The following SENP7 variants were observed in gnomAD, a reference collection of about 807,000 sequenced individuals.
The protein encoded by SENP7 is SUMO specific peptidase 7, also known as sentrin-specific protease 7.
SENP7 carries 64 observed loss-of-function variants against 141.2 expected under a neutral mutation model. The observed-to-expected ratio is 0.45, with a 90% CI of 0.37 to 0.56. SENP7 has a LOEUF of 0.56. SENP7 is among the 20% of genes least tolerant of loss of function. The pLI is 0.00. For synonymous variants in SENP7, 382 were observed against 426.4 expected (o/e 0.90, Z 1.28); for missense variants, 1,025 against 1,212.2 (o/e 0.85, Z 2.29).
chr3:101,326,931 T>C (rs922424613), intron 23 of SENP7, among the ~76,000 whole-genome samples: 2 of 152,012 alleles, frequency 1.3e-5, no homozygotes, highest in Non-Finnish European at 2.9e-5. Context: ...AGTTCACTAA[T>C]CCTATCTTCT....
chr3:101,512,890 G>A (rs2065919121), intron 1 of SENP7, among the ~76,000 whole-genome samples: 1 of 152,108 alleles, frequency 6.6e-6, no homozygotes, highest in Non-Finnish European at 1.5e-5. Context: ...GAGCGCCCGA[G>A]GCTTCGATGA....
At chr3:101,473,605 TTTAAG>T (rs1005227036) in intron 3 of SENP7, among the ~76,000 whole-genome samples, 21 of 152,318 alleles carry the variant, frequency 1.4e-4, no homozygotes, top group African/African-American at 4.6e-4. Context: ...TGTAAATTTG[TTTAAG>T]TTAATTATAG....
chr3:101,497,289 G>A (rs1312264863), intron 2 of SENP7, among the ~76,000 whole-genome samples: 2 of 152,202 alleles, frequency 1.3e-5, no homozygotes, highest in Non-Finnish European at 2.9e-5. Context: ...TATGTTGTAT[G>A]TGTGAACATA....
intron 6 of SENP7, among the ~76,000 whole-genome samples, chr3:101,381,969 C>T (rs2060514845): frequency 6.6e-6 from 1 of 152,038 alleles, no homozygotes; most frequent in Admixed American, 6.6e-5. Context: ...TATGACAGAG[C>T]TGGAATACAT....
chr3:101,406,772 G>A (rs2061319833), intron 5 of SENP7, among the ~76,000 whole-genome samples: 1 of 152,168 alleles, frequency 6.6e-6, no homozygotes, highest in South Asian at 2.1e-4. Flanking sequence ...ATTGTCATCA[G>A]GTTATCTAAA....
intron 4 of SENP7, among the ~76,000 whole-genome samples, chr3:101,424,269 C>T (rs1479440370): frequency 6.6e-6 from 1 of 152,108 alleles, no homozygotes; most frequent in Non-Finnish European, 1.5e-5. Flanking sequence ...ACAAGCCTGC[C>T]ACTCCCTCCA....
intron 5 of SENP7, among the ~76,000 whole-genome samples, chr3:101,415,811 C>T (rs2061601694): frequency 6.6e-6 from 1 of 152,162 alleles, no homozygotes; most frequent in African/African-American, 2.4e-5. Context: ...TGATAGCAAC[C>T]TCATTGTATT....
chr3:101,502,245 T>C (rs187085835), intron 1 of SENP7, among the ~76,000 whole-genome samples: 1 of 152,330 alleles, frequency 6.6e-6, no homozygotes, highest in African/African-American at 2.4e-5. Context: ...GTCAGCGTAT[T>C]ACCCATCTGA....
At chr3:101,471,088 A>G (rs956826063) in intron 3 of SENP7, among the ~76,000 whole-genome samples, 12 of 152,252 alleles carry the variant, frequency 7.9e-5, no homozygotes, top group African/African-American at 2.9e-4. Context: ...AAAGTAATTT[A>G]TAGATTCAAT....
intron 3 of SENP7, among the ~76,000 whole-genome samples, chr3:101,467,859 A>G (rs112239544): frequency 0.4 from 60,387 of 152,098 alleles, 12,511 homozygotes; most frequent in Admixed American, 0.54. Flanking sequence ...GAATGACTTT[A>G]ACGAGCTGAC....
rs2058886688 is a variant in SENP7 at position 101,325,887 on chromosome 3, G to T, written c.*56C>A. The stretch of plus-strand genomic sequence containing the variant: ...TGTGAGCTGGCTAACACAAATGCTG[G>T]TAAGAGGCTTTCCAGTAATCTTAGA... On this transcript the variant is annotated 3_prime_UTR_variant, in exon 24 of 24. Transcript: ENST00000394095. The T allele has an allele frequency of 6.7e-7, 1 of 1,496,416 alleles. No individual in the cohort carries two copies. The highest frequency in any genetic ancestry group is 2.4e-5 in the East Asian group (1 of 41,290). The allele number at this position is 1,496,416 out of a possible 1,614,324, so 92.7% of individuals were successfully genotyped here. A position where few individuals can be genotyped will look rare whatever the true frequency, so the allele number is the denominator to read the frequency against.
Position 101,380,445 on chromosome 3 carries a change from C to CCCCA in SENP7, c.678-8320_678-8319insTGGG, listed in dbSNP as rs58844573. Among the ~76,000 whole-genome samples the CCCCA allele has an allele frequency of 6.1e-4, 79 of 128,852 alleles. 2 individuals are homozygous for CCCCA. The highest frequency in any genetic ancestry group is 1.6e-3 in the South Asian group (6 of 3,670). 84.5% of individuals were successfully genotyped at this position (128,852 alleles called of 152,430 possible). ...GTAAAGCAAACCACCGCCCCCCCCCCCACACACACACACAAAACAAAACAT... is the reference window on the plus strand; with the variant it reads ...GTAAAGCAAACCACCGCCCCCCCCCCCCCACACACACACACACAAAACAAAACAT... On this transcript the variant is annotated intron_variant, in intron 6 of 23. Coordinates refer to ENST00000394095, the MANE Select transcript of SENP7 (RefSeq NM_020654.5).
chr3:101,461,880 T>G (rs969922897), intron 3 of SENP7, among the ~76,000 whole-genome samples: 2 of 152,216 alleles, frequency 1.3e-5, no homozygotes, highest in Non-Finnish European at 2.9e-5. Flanking sequence ...TTGAAAGCAT[T>G]TGTGCTAAGT....
At chr3:101,464,914 G>A (rs374106925) in intron 3 of SENP7, among the ~76,000 whole-genome samples, 6 of 151,994 alleles carry the variant, frequency 3.9e-5, no homozygotes, top group African/African-American at 1.5e-4. Context: ...GAACAGAAAG[G>A]AAACAGATGC....
chr3:101,414,509 G>C, intron 5 of SENP7: 1 of 1,558,516 alleles, frequency 6.4e-7, no homozygotes, highest in Admixed American at 1.7e-5. Flanking sequence ...GCTGCTGGGA[G>C]TAAGGAGCTT....
intron 12 of SENP7, among the ~76,000 whole-genome samples, chr3:101,348,443 T>A (rs1024994836): frequency 3.9e-5 from 6 of 152,136 alleles, no homozygotes; most frequent in Non-Finnish European, 8.8e-5. Context: ...GAAAAAAATG[T>A]CTATCAGTGC....
rs190912635 is a variant in SENP7, at chr3:101,420,099, G to T, written c.285-2309C>A. Among the ~76,000 whole-genome samples, 924 of 152,322 alleles carry T rather than the reference G, an allele frequency of 6.1e-3. 11 individuals are homozygous for T. Among genetic ancestry groups the T allele is most frequent in the African/African-American group, 0.021 (893 of 41,560 alleles). On this transcript the variant is annotated intron_variant, in intron 4 of 23. Coordinates refer to ENST00000394095, the MANE Select transcript of SENP7 (RefSeq NM_020654.5). ...AAAGTGATAGGAGGCCAGGCGCTGT[G>T]GCTCACGCCTGTAATCCCAGCACTT...
At chr3:101,417,557 TG>T in intron 5 of SENP7, 35 bp downstream of exon 5, 2 of 1,482,558 alleles carry the variant, frequency 1.3e-6, no homozygotes, top group Non-Finnish European at 1.9e-6. Context: ...ATTTCAAATG[TG>T]GTAAGTTGAA....
At chr3:101,488,487 G>A (rs1433819528) in intron 3 of SENP7, among the ~76,000 whole-genome samples, 11 of 152,124 alleles carry the variant, frequency 7.2e-5, no homozygotes, top group Non-Finnish European at 1.3e-4. Context: ...GAGAGAATAC[G>A]CAAACTGGAA....
Sources: gnomAD v4.1 joint callset for allele counts (sites outside exome capture counted in the v4.1 genomes callset) on GRCh38, gnomAD v4.1.1 for gene constraint, MANE v1.5 for transcripts, NCBI Gene and HGNC (gene_info 2026-07-23, HGNC 2026-07-21) for gene names.